The following ACYP2 variants were observed in gnomAD, a reference collection of about 807,000 sequenced individuals.
The protein encoded by ACYP2 is acylphosphatase 2.
A neutral mutation model predicts 11.2 loss-of-function variants in ACYP2; 12 were observed. The observed-to-expected ratio is 1.08, with a 90% CI of 0.69 to 1.74. ACYP2 has a LOEUF of 1.74. Among genes scored for constraint, ACYP2 ranks in the 40% most tolerant of loss-of-function variants. ACYP2 has a pLI of 0.00. For missense variants in ACYP2, 134 were observed against 101.9 expected (o/e 1.31, Z -1.35); for synonymous variants, 43 against 32.2 (o/e 1.33, Z -1.13).
At chr2:54,096,518 G>A (rs1487176270) in intron 4 of ACYP2, among the ~76,000 whole-genome samples, 4 of 152,072 alleles carry the variant, frequency 2.6e-5, no homozygotes, top group Non-Finnish European at 4.4e-5. Flanking sequence ...CCAAGATCAC[G>A]CCACTGCACT....
At chr2:54,151,577 A>G (rs1682172689) in intron 6 of ACYP2, among the ~76,000 whole-genome samples, 1 of 152,118 alleles carries the variant, frequency 6.6e-6, no homozygotes, top group African/African-American at 2.4e-5. Flanking sequence ...GTAATTTTGG[A>G]AAAAGAATAG....
chr2:54,107,544 A>C (rs897237636), intron 4 of ACYP2, among the ~76,000 whole-genome samples: 1 of 152,216 alleles, frequency 6.6e-6, no homozygotes, highest in African/African-American at 2.4e-5. Flanking sequence ...GCACTGGTCA[A>C]GGTTTAGTTA....
chr2:54,270,326 T>TA (rs1442808702), intron 6 of ACYP2, among the ~76,000 whole-genome samples: 2 of 152,236 alleles, frequency 1.3e-5, no homozygotes, highest in Non-Finnish European at 2.9e-5. Context: ...CCTAGTTTGC[T>TA]AAAAATTAAA....
chr2:54,255,701 T>G, intron 6 of ACYP2: 1 of 1,613,970 alleles, frequency 6.2e-7, no homozygotes, highest in Non-Finnish European at 8.5e-7. Context: ...TCCTCAGGCT[T>G]CACGTCCTCG....
chr2:54,301,518 C>A (rs561784305), intron 6 of ACYP2, among the ~76,000 whole-genome samples: 163 of 152,086 alleles, frequency 1.1e-3, no homozygotes, highest in African/African-American at 3.7e-3. Context: ...CATTTTAAAT[C>A]TCTATGTATG....
chr2:54,110,002 A>G (rs1457235037), intron 4 of ACYP2, among the ~76,000 whole-genome samples: 2 of 152,192 alleles, frequency 1.3e-5, no homozygotes, highest in Non-Finnish European at 2.9e-5. Flanking sequence ...AGGTCTCCTT[A>G]GGCTCCTGGT....
chr2:54,275,837 G>T (rs1688537847), intron 6 of ACYP2, among the ~76,000 whole-genome samples: 1 of 152,084 alleles, frequency 6.6e-6, no homozygotes, highest in Non-Finnish European at 1.5e-5. Context: ...TTTGATAAGG[G>T]CAAAATACAT....
At chr2:54,115,901 G>A (rs1679754231) in intron 4 of ACYP2, 145 bp downstream of exon 1, 1 of 1,123,254 alleles carries the variant, frequency 8.9e-7, no homozygotes, top group East Asian at 3.1e-5. Context: ...CGGCGGCGGG[G>A]AGGGAGGCGA....
chr2:54,272,638 T>A (rs1228769819), intron 6 of ACYP2, among the ~76,000 whole-genome samples: 1 of 152,234 alleles, frequency 6.6e-6, no homozygotes, highest in East Asian at 1.9e-4. Flanking sequence ...CTCATCCAAA[T>A]GTAAGTCAGA....
chr2:54,304,917 T>A lies in ACYP2; in HGVS notation c.*115T>A. ...AAAAGGAACTTTCTGTTCTGAAAGC[T>A]AAGCGACTGTACGTGCTACTAAAAA... On this transcript the variant is annotated 3_prime_UTR_variant, in exon 7 of 7. Coordinates refer to ENST00000607452, the MANE Select transcript of ACYP2 (RefSeq NM_001320586.2). The A allele has an allele frequency of 7.6e-4, 333 of 440,140 alleles. No homozygotes were observed. Among genetic ancestry groups the A allele is most frequent in the East Asian group, 1.1e-3 (30 of 27,748 alleles). The allele number at this position is 440,140 out of a possible 1,614,324, so 27.3% of individuals were successfully genotyped here. A position where few individuals can be genotyped will look rare whatever the true frequency, so the allele number is the denominator to read the frequency against.
At chr2:53,991,689 G>A (rs574421127) in intron 2 of ACYP2, among the ~76,000 whole-genome samples, 1 of 152,134 alleles carries the variant, frequency 6.6e-6, no homozygotes, top group Non-Finnish European at 1.5e-5. Flanking sequence ...ACAGGTGTGA[G>A]CCACTGTGCC....
At chr2:54,138,508 C>G in intron 5 of ACYP2, 131 bp from the exon 3 acceptor site, 1 of 610,514 alleles carries the variant, frequency 1.6e-6, no homozygotes, top group Non-Finnish European at 2.9e-6. Flanking sequence ...TGTAGGTCAT[C>G]TATACAATTG....
At chr2:54,035,225 C>A (rs1041232053) in intron 2 of ACYP2, among the ~76,000 whole-genome samples, 14 of 150,726 alleles carry the variant, frequency 9.3e-5, no homozygotes, top group African/African-American at 3.2e-4. Context: ...CTTTTTAGAC[C>A]GGCCCTGACT....
At chr2:54,108,351 C>T (rs1029945062) in intron 4 of ACYP2, among the ~76,000 whole-genome samples, 2 of 152,220 alleles carry the variant, frequency 1.3e-5, no homozygotes, top group South Asian at 4.1e-4. Context: ...TCCACTGTTT[C>T]ACCAAGGACA....
intron 2 of ACYP2, among the ~76,000 whole-genome samples, chr2:54,008,145 C>G (rs748384385): frequency 6.6e-6 from 1 of 152,206 alleles, no homozygotes; most frequent in Non-Finnish European, 1.5e-5. Flanking sequence ...TATGGTTAGA[C>G]TACCATGTGC....
intron 6 of ACYP2, among the ~76,000 whole-genome samples, chr2:54,237,837 C>G (rs886875662): frequency 6.6e-6 from 1 of 151,868 alleles, no homozygotes; most frequent in African/African-American, 2.4e-5. Flanking sequence ...GCCTCTTTCC[C>G]ATTCTCTCTT....
intron 6 of ACYP2, among the ~76,000 whole-genome samples, chr2:54,299,613 A>G (rs1475765806): frequency 6.6e-6 from 1 of 151,628 alleles, no homozygotes; most frequent in African/African-American, 2.4e-5. Flanking sequence ...AAAAAAGAAA[A>G]GAAAAAAAAG....
intron 6 of ACYP2, among the ~76,000 whole-genome samples, chr2:54,288,993 C>CT (rs1689194106): frequency 6.6e-6 from 1 of 151,962 alleles, no homozygotes; most frequent in South Asian, 2.1e-4. Context: ...GCCTCATCAT[C>CT]TAAAAGTCAT....
At chr2:54,052,046 C>CAATAAATAAATA (rs58161337) in intron 3 of ACYP2, among the ~76,000 whole-genome samples, 19,780 of 140,948 alleles carry the variant, frequency 0.14, 1,601 homozygotes, top group East Asian at 0.33. Context: ...GACTCTGTCT[C>CAATAAATAAATA]AATAAATAAA....
Sources: allele counts gnomAD v4.1 joint callset (sites outside exome capture counted in the v4.1 genomes callset), GRCh38; gene constraint gnomAD v4.1.1; transcripts MANE v1.5; gene names NCBI Gene and HGNC (gene_info 2026-07-23, HGNC 2026-07-21).